EP400: variants seen among roughly 807,000 people sequenced by gnomAD.
The protein encoded by EP400 is E1A binding protein p400, also known as E1A-binding protein p400.
A neutral mutation model predicts 354.1 loss-of-function variants in EP400; 105 were observed. The ratio of observed to expected loss-of-function variants is 0.30; its 90% CI spans 0.25 to 0.35. The LOEUF (loss-of-function observed/expected upper bound fraction) is 0.35. Ranked by LOEUF, EP400 falls within the 10% of genes least tolerant of loss-of-function variation. EP400 has a pLI of 1.00. For missense variants in EP400, 3,280 were observed against 4,121.0 expected (o/e 0.80, Z 5.59); for synonymous variants, 1,646 against 1,716.9 (o/e 0.96, Z 1.02).
chr12:132,050,499 GAGT>G lies in EP400; in HGVS notation c.7337+43_7337+45del. 6.2e-7 allele frequency: 1 copy of G among 1,613,382 alleles called. No individual in the cohort carries two copies. ...TGCTCATTTTATGTTCATTATGACT[GAGT>G]AGATTGCGTGAAGCTTGGTTTTGAT... On this transcript the variant is annotated intron_variant, in intron 40 of 52. Transcript: ENST00000389561. This position sits in a 1 kb window ranked among gnomAD's most constrained non-coding sequence, Gnocchi z 4.8.
rs1896032604 is a variant in EP400, at chr12:132,070,409, TC to T, written c.9021+770del. Among the ~76,000 whole-genome samples, 1 of 152,224 alleles carries T rather than the reference TC, an allele frequency of 6.6e-6. No individual in the cohort carries two copies. Among genetic ancestry groups the T allele is most frequent in the Admixed American group, 6.5e-5 (1 of 15,284 alleles). On this transcript the variant is annotated intron_variant, in intron 51 of 52. Transcript: ENST00000389561. The surrounding 1 kb of genome is among the most constrained non-coding windows in gnomAD (Gnocchi z 4.1). Reference sequence around the variant, plus strand: ...TCCACAGTGCCGCCTCCACCTGAGATCCTGTGGGGAAGTTCAGGGCTTCTTG... The same window carrying T: ...TCCACAGTGCCGCCTCCACCTGAGATCTGTGGGGAAGTTCAGGGCTTCTTG...
chr12:132,048,447 G>A (rs534987180), intron 39 of EP400, among the ~76,000 whole-genome samples: 5 of 151,350 alleles, frequency 3.3e-5, no homozygotes, highest in East Asian at 1.9e-4. Flanking sequence ...CAACAATATT[G>A]TCTTCTTTTA....
chr12:131,957,892 C>T (rs1038497505), intron 1 of EP400, among the ~76,000 whole-genome samples: 2 of 152,122 alleles, frequency 1.3e-5, no homozygotes, highest in African/African-American at 4.8e-5. Context: ...CACCAGACCC[C>T]ACCATGTAAT....
intron 34 of EP400, among the ~76,000 whole-genome samples, 160 bp from the exon 35 acceptor site, chr12:132,044,017 G>A (rs1895000745): frequency 6.6e-6 from 1 of 152,354 alleles, no homozygotes; most frequent in Admixed American, 6.5e-5. Flanking sequence ...TCTTTGACTG[G>A]ATTTGCAGCA....
At chr12:132,034,121 A>G (rs1894613919) in intron 30 of EP400, among the ~76,000 whole-genome samples, 1 of 152,112 alleles carries the variant, frequency 6.6e-6, no homozygotes, top group Non-Finnish European at 1.5e-5. Flanking sequence ...CATGGTGATG[A>G]ATATAAGTTT....
intron 19 of EP400, 93 bp downstream of exon 19, chr12:132,014,006 C>T (rs1479073451): frequency 9.1e-6 from 14 of 1,532,644 alleles, no homozygotes; most frequent in East Asian, 2.3e-5. Flanking sequence ...AGCTCCTTTC[C>T]GCAAGGATTG....
chr12:131,952,497 C>G (rs1891546059), intron 1 of EP400, among the ~76,000 whole-genome samples: 1 of 151,794 alleles, frequency 6.6e-6, no homozygotes, highest in Non-Finnish European at 1.5e-5. Context: ...GGGTCTTGCT[C>G]TGTCACCCAG....
intron 15 of EP400, among the ~76,000 whole-genome samples, chr12:132,008,582 A>AC (rs1244353941): frequency 6.6e-6 from 1 of 151,152 alleles, no homozygotes; most frequent in African/African-American, 2.4e-5. Context: ...AGTAGCCTAT[A>AC]CATTTTTTTT....
intron 1 of EP400, among the ~76,000 whole-genome samples, chr12:131,953,064 G>A (rs1022952579): frequency 6.6e-6 from 1 of 152,102 alleles, no homozygotes; most frequent in Non-Finnish European, 1.5e-5. Context: ...CTCCAACAAG[G>A]GAGTGAAAAT....
In EP400 at chr12:132,013,465, G is replaced by A. The variant is rs779742412; in HGVS notation, c.3612-25G>A. On this transcript the variant is annotated intron_variant, in intron 17 of 52. Transcript: ENST00000389561. The surrounding 1 kb of genome is among the most constrained non-coding windows in gnomAD (Gnocchi z 4.5). ...CCAGCCCCGTGGCTGTAGAACTCCAGTGTTGTCTCTTGTCCTGTTTGCAGC... is the reference window on the plus strand; with the variant it reads ...CCAGCCCCGTGGCTGTAGAACTCCAATGTTGTCTCTTGTCCTGTTTGCAGC... 1.3e-5 allele frequency: 20 copies of A among 1,533,066 alleles called. No individual in the cohort carries two copies. Among genetic ancestry groups the A allele is most frequent in the South Asian group, 2.6e-5 (2 of 78,348 alleles). The allele number at this position is 1,533,066 out of a possible 1,614,324, so 95.0% of individuals were successfully genotyped here.
In EP400 at chr12:132,017,323, G is replaced by A. The variant is rs1893977222; in HGVS notation, c.3924-212G>A. On this transcript the variant is annotated intron_variant, in intron 19 of 52. Transcript: ENST00000389561. This position sits in a 1 kb window ranked among gnomAD's most constrained non-coding sequence, Gnocchi z 5.0. ...CTGTCTTTCCGTCAGCTCTGGTGGG[G>A]CGGATGTCATTCTCAATGGGGATGG... 6.6e-6 allele frequency among the ~76,000 whole-genome samples: 1 copy of A among 152,170 alleles called. No homozygotes were observed. The highest frequency in any genetic ancestry group is 1.5e-5 in the Non-Finnish European group (1 of 68,020).
At chr12:131,989,825 C>A in intron 7 of EP400, 139 bp from the exon 8 acceptor site, 1 of 935,024 alleles carries the variant, frequency 1.1e-6, no homozygotes, top group Non-Finnish European at 1.6e-6. Flanking sequence ...CCTAATCCAC[C>A]CTAAGAGCAT....
In EP400 at chr12:131,950,027, G is replaced by T. The variant is rs977403299; in HGVS notation, c.-45G>T. On this transcript the variant is annotated 5_prime_UTR_variant, in exon 1 of 53. Transcript: ENST00000389561. ...CCTGACGCGGCCGGAGCGCAGCCCT[G>T]AGGCCCAGGGTAAGTGAGGGCGGAG... 2 of 151,860 alleles carry T rather than the reference G, an allele frequency of 1.3e-5. No homozygotes were observed. Among genetic ancestry groups the T allele is most frequent in the Non-Finnish European group, 2.9e-5 (2 of 67,916 alleles). 9.4% of individuals were successfully genotyped at this position (151,860 alleles called of 1,614,324 possible). A position where few individuals can be genotyped will look rare whatever the true frequency, so the allele number is the denominator to read the frequency against.
At chr12:131,960,496 A>T in intron 1 of EP400, 89 bp from the exon 2 acceptor site, 1 of 1,238,724 alleles carries the variant, frequency 8.1e-7, no homozygotes, top group Non-Finnish European at 1.1e-6. Context: ...GTGGGAATGT[A>T]CTTTCAAAGT....
rs1340252454 is a variant in EP400, at chr12:132,070,273, G to A, written c.9021+632G>A. Among the ~76,000 whole-genome samples the A allele has an allele frequency of 6.6e-6, 1 of 152,188 alleles. No homozygotes were observed. The highest frequency in any genetic ancestry group is 2.4e-5 in the African/African-American group (1 of 41,438). ...CTTCTCAGCTAGTCTTACATCCTCT[G>A]GGAATTGGTTTTTGGGTCTGAGATA... On this transcript the variant is annotated intron_variant, in intron 51 of 52. Coordinates refer to ENST00000389561, the MANE Select transcript of EP400 (RefSeq NM_015409.5). The surrounding 1 kb of genome is among the most constrained non-coding windows in gnomAD (Gnocchi z 4.1).
At chr12:131,954,897 G>A (rs533999438) in intron 1 of EP400, among the ~76,000 whole-genome samples, 5 of 151,294 alleles carry the variant, frequency 3.3e-5, no homozygotes, top group East Asian at 2.0e-4. Flanking sequence ...CTGTGGTGGC[G>A]TGTAAGTCCC....
chr12:131,982,160 C>A lies in EP400; in HGVS notation c.1611C>A (p.Asp537Glu). ...AGQRQSQQQY[D>E]PSTGPPVQNA... ...AGAGGCAGAGTCAGCAGCAGTATGA[C>A]CCCTCCACGGGGCCTCCCGTGCAGA... The change falls in exon 5 of 53, where the codon GAC (aspartate) becomes GAA (glutamate). Residue 537 changes from aspartate (D) to glutamate (E), a missense_variant. Physicochemically the swap from Asp to Glu is conservative, Grantham distance 45. This residue lies in a region of EP400 where 800 missense variants were observed against 840.0 expected (regional missense o/e 0.95). Coordinates refer to ENST00000389561, the MANE Select transcript of EP400 (RefSeq NM_015409.5). 2 of 1,603,112 alleles carry A rather than the reference C, an allele frequency of 1.2e-6. No homozygotes were observed. Among genetic ancestry groups the A allele is most frequent in the Non-Finnish European group, 1.7e-6 (2 of 1,172,476 alleles).
In EP400 at chr12:132,027,975, TCTGTTTCTCAAGTAA is replaced by T; in HGVS notation, c.5110-35_5110-21del. Reference sequence around the variant, plus strand: ...GTTGGTGAAGACAGGAACTTGTCATTCTGTTTCTCAAGTAACTGTTTTTCATCACTTTTTGATAAA... The same window carrying T: ...GTTGGTGAAGACAGGAACTTGTCATTCTGTTTTTCATCACTTTTTGATAAA... On this transcript the variant is annotated intron_variant, in intron 26 of 52. Transcript: ENST00000389561. The surrounding 1 kb of genome is among the most constrained non-coding windows in gnomAD (Gnocchi z 4.9). 7 of 1,595,370 alleles carry T rather than the reference TCTGTTTCTCAAGTAA, an allele frequency of 4.4e-6. No homozygotes were observed. The highest frequency in any genetic ancestry group is 6.0e-6 in the Non-Finnish European group (7 of 1,167,264).
At chr12:131,980,718 A>C (rs1892652744) in intron 3 of EP400, among the ~76,000 whole-genome samples, 1 of 152,104 alleles carries the variant, frequency 6.6e-6, no homozygotes, top group African/African-American at 2.4e-5. Context: ...GCTAAATGCA[A>C]AAATTGTTGC....
Sources: allele counts gnomAD v4.1 joint callset (sites outside exome capture counted in the v4.1 genomes callset), GRCh38; gene constraint gnomAD v4.1.1; regional missense constraint gnomAD v4.1.1; non-coding constraint Gnocchi (gnomAD v3.1); transcripts MANE v1.5; gene names NCBI Gene and HGNC (gene_info 2026-07-23, HGNC 2026-07-21).